The following ACSBG1 variants were observed in gnomAD, a reference collection of about 807,000 sequenced individuals.
ACSBG1 encodes the protein acyl-CoA synthetase bubblegum family member 1.
ACSBG1 carries 39 observed loss-of-function variants against 80.2 expected under a neutral mutation model. The ratio of observed to expected loss-of-function variants is 0.49; its 90% confidence interval spans 0.38 to 0.64. The LOEUF is 0.64. Ranked by LOEUF, ACSBG1 falls within the 30% of genes least tolerant of loss-of-function variation. ACSBG1 has a pLI of 0.00. For synonymous variants in ACSBG1, 392 were observed against 379.5 expected (o/e 1.03, Z -0.38); for missense variants, 828 against 966.4 (o/e 0.86, Z 1.90).
At position 78,193,505 on chromosome 15, in the gene ACSBG1, C is replaced by A. The variant is rs767935463; in HGVS notation, c.663+1G>T. On this transcript the variant is annotated splice_donor_variant, in intron 5 of 13. Transcript: ENST00000258873. LOFTEE classifies it high-confidence loss of function. Reference sequence around the variant, plus strand: ...CCATGCCCACTGCCTCTTCCCCAAACCTTCAGGATCTTTTCCAGCTGCTTC... The same window carrying A: ...CCATGCCCACTGCCTCTTCCCCAAAACTTCAGGATCTTTTCCAGCTGCTTC... The A allele has an allele frequency of 1.2e-6, 2 of 1,608,264 alleles. No individual in the cohort carries two copies. The highest frequency in any genetic ancestry group is 1.7e-5 in the Admixed American group (1 of 59,572).
At position 78,174,454 on chromosome 15, in the gene ACSBG1, C is replaced by T. The variant is rs764311807; in HGVS notation, c.1773G>A (p.Leu591=). The T allele has an allele frequency of 1.9e-5, 31 of 1,614,122 alleles. No homozygotes were observed. The Middle Eastern group carries it at 6.6e-4, about 34-fold the overall frequency. Residue 591 remains leucine, a synonymous_variant, in exon 12 of 14, where the codon CTG becomes CTA. Coordinates refer to ENST00000258873, the MANE Select transcript of ACSBG1 (RefSeq NM_015162.5). ...TGAGCATGGCGTTGCTGATGATGGG[C>T]AGCTCCATCTTCACGGCCTCCTCGA... The part of the protein sequence containing the change: ...VPIEEAVKME[L]PIISNAMLIG...
At chr15:78,197,760 C>T (rs116434875) in intron 2 of ACSBG1, among the ~76,000 whole-genome samples, 12 of 150,596 alleles carry the variant, frequency 8.0e-5, no homozygotes, top group Middle Eastern at 3.4e-3. Context: ...GTTGACCCCC[C>T]ACAAAGTGGT....
intron 2 of ACSBG1, 79 bp downstream of exon 2, chr15:78,207,923 A>ACCCCCCCCCCCC: frequency 1.4e-5 from 4 of 284,790 alleles, no homozygotes; most frequent in Non-Finnish European, 2.9e-5. Flanking sequence ...GTGGTCCCCC[A>ACCCCCCCCCCCC]CACCACCCAC....
intron 2 of ACSBG1, among the ~76,000 whole-genome samples, chr15:78,204,342 G>A (rs11854348): frequency 6.6e-6 from 1 of 152,222 alleles, no homozygotes; most frequent in East Asian, 1.9e-4. Context: ...CTGTAAAGGT[G>A]AGCATGCTCA....
Position 78,168,927 on chromosome 15 carries a change from G to C in ACSBG1, c.*2517C>G. On this transcript the variant is annotated 3_prime_UTR_variant, in exon 14 of 14. Coordinates refer to ENST00000258873, the MANE Select transcript of ACSBG1 (RefSeq NM_015162.5). ...TTGCTTTTTCCTTTTCTCAGAGCTT[G>C]ACAAAAGATTTGGGAGGCAATGCAA... 2 of 1,591,968 alleles carry C rather than the reference G, an allele frequency of 1.3e-6. No individual in the cohort carries two copies. Among genetic ancestry groups the C allele is most frequent in the South Asian group, 2.2e-5 (2 of 89,312 alleles).
Position 78,226,092 on chromosome 15 carries a change from G to A in ACSBG1, c.131+8279C>T, listed in dbSNP as rs187293567. On this transcript the variant is annotated intron_variant, in intron 1 of 13. Transcript: ENST00000258873. ...GAGAGCAATCAAAATGAAAGACACG[G>A]TATTTTTGTCGTCTAATCTCTGAAG... Among the ~76,000 whole-genome samples the A allele has an allele frequency of 5.3e-5, 8 of 152,266 alleles. No individual in the cohort carries two copies. In the East Asian group the frequency reaches 1.3e-3, roughly 26 times the overall value.
chr15:78,210,700 A>G (rs1458254975), intron 1 of ACSBG1, among the ~76,000 whole-genome samples: 2 of 152,166 alleles, frequency 1.3e-5, no homozygotes, highest in Non-Finnish European at 2.9e-5. Context: ...TGCAACCTCA[A>G]ACTCCTAGGC....
intron 2 of ACSBG1, among the ~76,000 whole-genome samples, chr15:78,206,181 G>C (rs1315061881): frequency 6.6e-6 from 1 of 152,156 alleles, no homozygotes; most frequent in African/African-American, 2.4e-5. Flanking sequence ...GACAACCATG[G>C]TGCCTCCTTA....
intron 2 of ACSBG1, among the ~76,000 whole-genome samples, chr15:78,205,391 C>CA (rs1408293257): frequency 6.6e-6 from 1 of 152,078 alleles, no homozygotes; most frequent in Non-Finnish European, 1.5e-5. Context: ...GTACAAGACT[C>CA]AAAGAGCTCC....
intron 1 of ACSBG1, among the ~76,000 whole-genome samples, chr15:78,221,318 T>C (rs1409151815): frequency 3.9e-5 from 6 of 151,928 alleles, no homozygotes; most frequent in South Asian, 2.1e-4. Flanking sequence ...CAAGGAAACA[T>C]GCGAGTAACA....
At chr15:78,212,160 T>C (rs1047518841) in intron 1 of ACSBG1, among the ~76,000 whole-genome samples, 1 of 152,216 alleles carries the variant, frequency 6.6e-6, no homozygotes, top group Non-Finnish European at 1.5e-5. Context: ...AGGTGCTCAA[T>C]GAACGCTTTC....
intron 1 of ACSBG1, among the ~76,000 whole-genome samples, chr15:78,212,009 T>C (rs1391439102): frequency 6.6e-6 from 1 of 152,208 alleles, no homozygotes; most frequent in Non-Finnish European, 1.5e-5. Context: ...AAGTTGTCAC[T>C]ATGTGTGTGA....
chr15:78,209,340 C>T (rs114133659), intron 1 of ACSBG1: 9 of 439,918 alleles, frequency 2.0e-5, no homozygotes, highest in African/African-American at 1.6e-4. Flanking sequence ...AAGGTGGCGC[C>T]GTTCTTGCGA....
chr15:78,169,077 C>A lies in ACSBG1; in HGVS notation c.*2367G>T. 2.3e-6 allele frequency: 2 copies of A among 863,230 alleles called. No individual in the cohort carries two copies. The highest frequency in any genetic ancestry group is 2.1e-5 in the Admixed American group (1 of 48,424). 53.5% of individuals were successfully genotyped at this position (863,230 alleles called of 1,614,324 possible). ...CATGAACCTCTGTTTAGAATACCTA[C>A]GTATGTATGCATTGGTTTGCTTGTT... On this transcript the variant is annotated 3_prime_UTR_variant, in exon 14 of 14. Coordinates refer to ENST00000258873, the MANE Select transcript of ACSBG1 (RefSeq NM_015162.5).
chr15:78,215,710 GAGAAAGAAAGAAAGAGAAAGAAAGAA>G (rs2075301888), intron 1 of ACSBG1, among the ~76,000 whole-genome samples: 1 of 113,512 alleles, frequency 8.8e-6, no homozygotes, highest in Non-Finnish European at 1.8e-5. Flanking sequence ...GAAGGAAAGA[GAGAAAGAAAGAAAGAGAAAGAAAGAA>G]AGAAAGAAAG....
At chr15:78,225,925 C>T (rs2075396908) in intron 1 of ACSBG1, among the ~76,000 whole-genome samples, 1 of 152,156 alleles carries the variant, frequency 6.6e-6, no homozygotes, top group Admixed American at 6.6e-5. Context: ...GAATGAGCTT[C>T]CAAAAGCTGA....
intron 1 of ACSBG1, among the ~76,000 whole-genome samples, chr15:78,228,098 A>C (rs1469480500): frequency 3.3e-5 from 5 of 152,180 alleles, no homozygotes; most frequent in African/African-American, 1.2e-4. Context: ...TCGGGGCCAG[A>C]GTCTGAGCTA....
chr15:78,182,487 G>A lies in ACSBG1; in HGVS notation c.873C>T (p.Gly291=), dbSNP rs768965878. 3.7e-6 allele frequency: 6 copies of A among 1,614,016 alleles called. No individual in the cohort carries two copies. The Admixed American group carries it at 6.7e-5, about 18-fold the overall frequency. The change falls in exon 7 of 14, where the codon GGC becomes GGT. Residue 291 remains glycine (G), a synonymous_variant. Transcript: ENST00000258873. ...YTSGTTGNPK[G]VMLSQDNITW... ...CTACATTGTCTTGACTCAGCATCAC[G>A]CCCTTGGGGTTCCCAGTGGTGCCGG...
chr15:78,179,725 G>T lies in ACSBG1; in HGVS notation c.1309C>A (p.Arg437Ser). The T allele has an allele frequency of 6.2e-7, 1 of 1,614,062 alleles. No homozygotes were observed. Among genetic ancestry groups the T allele is most frequent in the South Asian group, 1.1e-5 (1 of 91,062 alleles). ...LADYLVLAKVRQALGFAKCQK... is the reference protein window; with the variant it reads ...LADYLVLAKVSQALGFAKCQK... ...CACTTGGCAAATCCCAGTGCCTGGC[G>T]AACCTTGGCTAGCACCAGGTAATCT... The change falls in exon 10 of 14, where the codon CGC becomes AGC. Residue 437 changes from arginine to serine, a missense_variant. Around this residue, in one of 3 missense-constraint regions of ACSBG1, gnomAD observed 271 missense variants for 375.9 expected, o/e 0.72. Transcript: ENST00000258873.
Sources: allele counts gnomAD v4.1 joint callset (sites outside exome capture counted in the v4.1 genomes callset), GRCh38; gene constraint gnomAD v4.1.1; regional missense constraint gnomAD v4.1.1; transcripts MANE v1.5; gene names NCBI Gene and HGNC (gene_info 2026-07-23, HGNC 2026-07-21).